CFAP47: variants seen among roughly 807,000 people sequenced by gnomAD.
The protein encoded by CFAP47 is cilia and flagella associated protein 47.
A neutral mutation model predicts 148.1 loss-of-function variants in CFAP47; 29 were observed. The observed-to-expected ratio is 0.20, with a 90% CI of 0.15 to 0.27. The LOEUF is 0.27. Ranked by LOEUF, CFAP47 falls within the 10% of genes least tolerant of loss-of-function variation. The pLI is 1.00. For synonymous variants in CFAP47, 664 were observed against 577.3 expected (o/e 1.15, Z -2.15); for missense variants, 1,872 against 1,697.5 (o/e 1.10, Z -1.81).
chrX:36,294,754 A>G (rs6629070), intron 51 of CFAP47, among the ~76,000 whole-genome samples: 13,033 of 110,853 alleles, frequency 0.12, 616 homozygotes, highest in East Asian at 0.26. Context: ...ATAAATATGT[A>G]TGTGTATAAA....
intron 1 of CFAP47, among the ~76,000 whole-genome samples, chrX:35,920,723 T>C (rs754730081): frequency 8.9e-6 from 1 of 111,861 alleles, no homozygotes; most frequent in Non-Finnish European, 1.9e-5. Context: ...TAGTTCAGTA[T>C]GATCACATTT....
At chrX:36,170,826 TG>T (rs1468428329) in intron 39 of CFAP47, among the ~76,000 whole-genome samples, 3 of 108,455 alleles carry the variant, frequency 2.8e-5, no homozygotes, top group Non-Finnish European at 3.8e-5. Context: ...ACGGGATGGC[TG>T]GGTCAAATGG....
chrX:35,951,820 A>G lies in CFAP47; in HGVS notation c.903A>G (p.Gln301=), dbSNP rs1469442416. The G allele has an allele frequency of 1.8e-6, 2 of 1,141,792 alleles. No homozygotes were observed. The highest frequency in any genetic ancestry group is 2.2e-5 in the South Asian group (1 of 44,825). The allele number at this position is 1,141,792 out of a possible 1,213,427, so 94.1% of individuals were successfully genotyped here. A position where few individuals can be genotyped will look rare whatever the true frequency, so the allele number is the denominator to read the frequency against. Reference sequence around the variant, plus strand: ...TATTACAGGGTACAGATATTCAACAAAGAACAGATATTGCTTTAAATAATC... The same window carrying G: ...TATTACAGGGTACAGATATTCAACAGAGAACAGATATTGCTTTAAATAATC... The part of the protein sequence containing the change: ...VGEELGTDIQ[Q]RTDIALNNLT... Residue 301 remains glutamine, a synonymous_variant, in exon 6 of 64, where the codon CAA becomes CAG. Transcript: ENST00000378653.
At chrX:36,011,277 C>T (rs1031127338) in intron 21 of CFAP47, among the ~76,000 whole-genome samples, 6 of 111,576 alleles carry the variant, frequency 5.4e-5, no homozygotes, top group Non-Finnish European at 9.4e-5. Context: ...CAGCAGTTAG[C>T]GAGGTTGTTT....
chrX:35,979,901 G>A (rs1474048521), intron 15 of CFAP47, among the ~76,000 whole-genome samples: 6 of 112,230 alleles, frequency 5.3e-5, no homozygotes, highest in African/African-American at 1.9e-4. Flanking sequence ...ATAGGGTATT[G>A]AGCTTTTTAA....
intron 35 of CFAP47, among the ~76,000 whole-genome samples, chrX:36,141,929 A>G (rs938461727): frequency 2.9e-5 from 3 of 104,952 alleles, no homozygotes; most frequent in African/African-American, 1.2e-4. Flanking sequence ...TCCAGAAGGT[A>G]AACCTTTCCC....
At chrX:36,322,008 A>T (rs946469319) in intron 57 of CFAP47, among the ~76,000 whole-genome samples, 12 of 109,763 alleles carry the variant, frequency 1.1e-4, no homozygotes, top group Non-Finnish European at 2.1e-4. Context: ...GGCAACTTTT[A>T]CTCCTTCAAT....
intron 49 of CFAP47, among the ~76,000 whole-genome samples, chrX:36,259,374 A>T (rs1022333223): frequency 9.0e-6 from 1 of 111,416 alleles, no homozygotes; most frequent in Non-Finnish European, 1.9e-5. Context: ...ATATATATGT[A>T]TATATGTAGT....
chrX:35,961,650 T>C (rs988316698), intron 8 of CFAP47, among the ~76,000 whole-genome samples: 3 of 111,479 alleles, frequency 2.7e-5, no homozygotes, highest in Non-Finnish European at 3.8e-5. Flanking sequence ...TTTTTACTGG[T>C]GTAAAGTTGG....
intron 60 of CFAP47, among the ~76,000 whole-genome samples, chrX:36,358,772 T>C (rs1556018801): frequency 8.9e-6 from 1 of 111,743 alleles, no homozygotes; most frequent in East Asian, 2.8e-4. Flanking sequence ...GTTTTCACCA[T>C]GAACAATTCC....
chrX:36,228,843 G>T lies in CFAP47; in HGVS notation c.7014+19G>T. The stretch of plus-strand genomic sequence containing the variant: ...TCCAATAGTATGTATAAACTTTTTT[G>T]GTACCTTTCTTTATTCATATTGCCA... On this transcript the variant is annotated intron_variant, in intron 46 of 63. Coordinates refer to ENST00000378653, the MANE Select transcript of CFAP47 (RefSeq NM_001304548.2). 3 of 509,847 alleles carry T rather than the reference G, an allele frequency of 5.9e-6. No individual in the cohort carries two copies. Among genetic ancestry groups the T allele is most frequent in the South Asian group, 5.3e-5 (2 of 37,773 alleles). 42.0% of individuals were successfully genotyped at this position (509,847 alleles called of 1,213,427 possible).
intron 36 of CFAP47, among the ~76,000 whole-genome samples, chrX:36,148,800 A>G (rs1021562186): frequency 2.7e-5 from 3 of 111,897 alleles, no homozygotes; most frequent in African/African-American, 9.8e-5. Flanking sequence ...TCCAAGCTGC[A>G]AATGCTGATC....
chrX:36,255,054 TCTACGATCA>T (rs1940733920), intron 49 of CFAP47, among the ~76,000 whole-genome samples: 1 of 111,941 alleles, frequency 8.9e-6, no homozygotes, highest in African/African-American at 3.2e-5. Context: ...CCTGCAGTGA[TCTACGATCA>T]TGTTCCAAGT....
intron 22 of CFAP47, among the ~76,000 whole-genome samples, chrX:36,018,307 A>T (rs1937119497): frequency 8.9e-6 from 1 of 112,035 alleles, no homozygotes; most frequent in African/African-American, 3.2e-5. Context: ...TCTGCAAACA[A>T]GGTTATTTTT....
intron 57 of CFAP47, among the ~76,000 whole-genome samples, chrX:36,327,097 A>G (rs1043062691): frequency 5.4e-5 from 6 of 111,706 alleles, no homozygotes; most frequent in African/African-American, 2.0e-4. Flanking sequence ...AAAACAAAAA[A>G]TTGACAAGTG....
At chrX:36,046,418 A>C (rs1937467060) in intron 25 of CFAP47, among the ~76,000 whole-genome samples, 1 of 111,015 alleles carries the variant, frequency 9.0e-6, no homozygotes, top group Non-Finnish European at 1.9e-5. Flanking sequence ...ATATGCGCTT[A>C]ATAGTATCCA....
chrX:35,948,025 C>T (rs952307612), intron 3 of CFAP47, among the ~76,000 whole-genome samples: 11 of 111,487 alleles, frequency 9.9e-5, no homozygotes, highest in Non-Finnish European at 2.1e-4. Context: ...TTTTGGCTTC[C>T]CTGAGCTACG....
intron 49 of CFAP47, among the ~76,000 whole-genome samples, chrX:36,256,220 A>C (rs1940750259): frequency 8.9e-6 from 1 of 112,193 alleles, no homozygotes; most frequent in African/African-American, 3.2e-5. Flanking sequence ...TATCTTAGCT[A>C]GAAGCTGTTT....
At chrX:36,357,734 TTTC>T (rs1200006637) in intron 60 of CFAP47, among the ~76,000 whole-genome samples, 5 of 111,440 alleles carry the variant, frequency 4.5e-5, no homozygotes, top group African/African-American at 1.6e-4. Flanking sequence ...TATAAGTGTA[TTTC>T]TTCTTCCTAA....
Sources: allele counts gnomAD v4.1 joint callset (sites outside exome capture counted in the v4.1 genomes callset), GRCh38; gene constraint gnomAD v4.1.1; transcripts MANE v1.5; gene names NCBI Gene and HGNC (gene_info 2026-07-23, HGNC 2026-07-21).